Variants in RBMS3 observed in about 807,000 individuals in gnomAD.
The protein encoded by RBMS3 is RNA binding motif single stranded interacting protein 3, also known as RNA-binding motif, single-stranded-interacting protein 3.
Under a neutral mutation model 66.8 loss-of-function variants are expected in RBMS3, and 27 were observed. That is an observed-to-expected ratio of 0.40 (90% CI 0.30 to 0.56). The LOEUF is 0.56. Ranked by LOEUF, RBMS3 falls within the 20% of genes least tolerant of loss-of-function variation. RBMS3 has a pLI of 0.40. For missense variants in RBMS3, 513 were observed against 549.5 expected, an observed-to-expected ratio of 0.93 and a Z score of 0.66; for synonymous variants, 188 against 183.0, an observed-to-expected ratio of 1.03 and a Z score of -0.22.
At chr3:29,658,784 GATTTCTTATTT>G (rs1333530265) in intron 4 of RBMS3, among the ~76,000 whole-genome samples, 4 of 152,156 alleles carry the variant, frequency 2.6e-5, no homozygotes. Flanking sequence ...TTGACATTCT[GATTTCTTATTT>G]ATTTCTTATT....
intron 1 of RBMS3, among the ~76,000 whole-genome samples, chr3:29,294,895 A>G (rs1365371554): frequency 1.3e-5 from 2 of 151,764 alleles, no homozygotes; most frequent in Admixed American, 1.3e-4. Flanking sequence ...ACCTATCCAA[A>G]GCAATACCCA....
At chr3:29,327,462 G>T (rs1272179084) in intron 1 of RBMS3, among the ~76,000 whole-genome samples, 1 of 152,142 alleles carries the variant, frequency 6.6e-6, no homozygotes, top group East Asian at 1.9e-4. Context: ...GAGGATAAAT[G>T]ACAGTTTTCT....
At chr3:29,534,225 C>T (rs2045468789) in intron 3 of RBMS3, among the ~76,000 whole-genome samples, 1 of 152,196 alleles carries the variant, frequency 6.6e-6, no homozygotes, top group African/African-American at 2.4e-5. Flanking sequence ...GCAGCAACAT[C>T]CTGAGCTAAG....
chr3:29,578,816 A>G (rs1418609760), intron 3 of RBMS3, among the ~76,000 whole-genome samples: 2 of 77,444 alleles, frequency 2.6e-5, no homozygotes, highest in Non-Finnish European at 4.6e-5. Context: ...TTTTTTTGAG[A>G]CGGAGTCTCG....
At chr3:29,983,136 G>A (rs1234700126) in intron 12 of RBMS3, among the ~76,000 whole-genome samples, 2 of 151,890 alleles carry the variant, frequency 1.3e-5, no homozygotes, top group African/African-American at 4.8e-5. Context: ...TCTTCTTGTT[G>A]TATTGATCCC....
chr3:29,428,801 C>T (rs1440398583), intron 1 of RBMS3, among the ~76,000 whole-genome samples: 1 of 152,200 alleles, frequency 6.6e-6, no homozygotes, highest in East Asian at 1.9e-4. Context: ...AATGAACCCA[C>T]TTGTTTGACA....
chr3:29,886,843 A>C (rs986137476), intron 8 of RBMS3, among the ~76,000 whole-genome samples: 1 of 151,716 alleles, frequency 6.6e-6, no homozygotes, highest in African/African-American at 2.4e-5. Flanking sequence ...TTTGTTCTGG[A>C]GTGGCCAATG....
chr3:29,576,261 T>C (rs7640832), intron 3 of RBMS3, among the ~76,000 whole-genome samples: 1,830 of 152,260 alleles, frequency 0.012, 41 homozygotes, highest in African/African-American at 0.041. Flanking sequence ...CTGGAAGAAT[T>C]CTCTGGATTA....
At chr3:29,503,226 C>T (rs1392024739) in intron 3 of RBMS3, among the ~76,000 whole-genome samples, 1 of 152,036 alleles carries the variant, frequency 6.6e-6, no homozygotes, top group Admixed American at 6.6e-5. Context: ...CAAACGCCTG[C>T]TAAGGCCAAT....
intron 1 of RBMS3, among the ~76,000 whole-genome samples, chr3:29,424,161 A>C (rs2125706676): frequency 6.6e-6 from 1 of 152,356 alleles, no homozygotes; most frequent in Non-Finnish European, 1.5e-5. Context: ...ATAGCTCTAA[A>C]GTAATAAAAG....
chr3:29,651,439 C>A (rs2050140309), intron 4 of RBMS3, among the ~76,000 whole-genome samples: 1 of 152,066 alleles, frequency 6.6e-6, no homozygotes, highest in Non-Finnish European at 1.5e-5. Context: ...TGGAAGAAAA[C>A]CTTCCTCTCT....
intron 5 of RBMS3, among the ~76,000 whole-genome samples, 171 bp from the exon 6 acceptor site, chr3:29,762,739 G>A (rs1414971334): frequency 6.6e-6 from 1 of 152,080 alleles, no homozygotes; most frequent in Middle Eastern, 3.2e-3. Flanking sequence ...AAGCATTAAT[G>A]AGTTTGTGAT....
chr3:29,743,818 A>G (rs1315595695), intron 5 of RBMS3, among the ~76,000 whole-genome samples: 1 of 150,692 alleles, frequency 6.6e-6, no homozygotes, highest in Non-Finnish European at 1.5e-5. Flanking sequence ...ATATGTATAC[A>G]TGTGCCATGT....
chr3:29,324,964 G>A (rs1287629158), intron 1 of RBMS3, among the ~76,000 whole-genome samples: 2 of 151,118 alleles, frequency 1.3e-5, no homozygotes, highest in African/African-American at 4.9e-5. Flanking sequence ...GAGCTTTATC[G>A]TATTTGCACA....
At chr3:29,667,411 T>A (rs2050813180) in intron 4 of RBMS3, among the ~76,000 whole-genome samples, 5 of 152,304 alleles carry the variant, frequency 3.3e-5, no homozygotes, top group African/African-American at 9.6e-5. Flanking sequence ...TACAAATTCT[T>A]GAACCCTACC....
intron 1 of RBMS3, among the ~76,000 whole-genome samples, chr3:29,327,850 A>T (rs2035429112): frequency 6.6e-6 from 1 of 152,212 alleles, no homozygotes; most frequent in African/African-American, 2.4e-5. Flanking sequence ...GTTCATCAAG[A>T]TTAACACCAA....
At chr3:29,989,304 G>A (rs760472350) in intron 13 of RBMS3, among the ~76,000 whole-genome samples, 31 of 152,086 alleles carry the variant, frequency 2.0e-4, no homozygotes, top group Non-Finnish European at 4.6e-4. Flanking sequence ...AGGGCATAGA[G>A]CTATGCAGAT....
intron 1 of RBMS3, among the ~76,000 whole-genome samples, chr3:29,302,021 G>GC (rs2033707759): frequency 6.6e-6 from 1 of 151,858 alleles, no homozygotes; most frequent in Non-Finnish European, 1.5e-5. Flanking sequence ...TTTTTAAAAA[G>GC]TTTTTTTGAA....
intron 3 of RBMS3, among the ~76,000 whole-genome samples, chr3:29,506,484 A>AT (rs147482392): frequency 0.064 from 9,683 of 151,946 alleles, 353 homozygotes; most frequent in South Asian, 0.12. Flanking sequence ...ACTTGCTAGT[A>AT]TTTTGTTGAG....
Sources: gnomAD v4.1 joint callset for allele counts (sites outside exome capture counted in the v4.1 genomes callset) on GRCh38, gnomAD v4.1.1 for gene constraint, MANE v1.5 for transcripts, NCBI Gene and HGNC (gene_info 2026-07-23, HGNC 2026-07-21) for gene names.